The following SUPT3H variants were observed in gnomAD, a reference collection of about 807,000 sequenced individuals.
SUPT3H encodes the protein SPT3 homolog, SAGA and STAGA complex component, also known as transcription initiation protein SPT3 homolog.
SUPT3H carries 44 observed loss-of-function variants against 44.3 expected under a neutral mutation model. The observed-to-expected ratio is 0.99, with a 90% CI of 0.78 to 1.28. SUPT3H has a LOEUF of 1.28. SUPT3H is among the 50% of genes most tolerant of loss of function. The pLI is 0.00. For missense variants in SUPT3H, 380 were observed against 387.1 expected (o/e 0.98, Z 0.15); for synonymous variants, 124 against 125.6 (o/e 0.99, Z 0.09).
chr6:45,023,190 T>G (rs1785423177), intron 3 of SUPT3H, among the ~76,000 whole-genome samples: 1 of 150,188 alleles, frequency 6.7e-6, no homozygotes, highest in South Asian at 2.1e-4. Context: ...CACTGATCAT[T>G]AAGAGAAATG....
At chr6:45,194,234 T>C (rs1815630895) in intron 2 of SUPT3H, among the ~76,000 whole-genome samples, 1 of 152,108 alleles carries the variant, frequency 6.6e-6, no homozygotes, top group Non-Finnish European at 1.5e-5. Context: ...TTATCTTTAT[T>C]AACTATATTT....
intron 6 of SUPT3H, among the ~76,000 whole-genome samples, chr6:44,985,221 TA>T (rs1393313801): frequency 5.6e-5 from 8 of 143,256 alleles, no homozygotes; most frequent in Non-Finnish European, 9.2e-5. Context: ...ATAAATAAAA[TA>T]AAATAAAATA....
At chr6:44,881,384 A>T (rs1169160703) in intron 10 of SUPT3H, among the ~76,000 whole-genome samples, 1 of 152,198 alleles carries the variant, frequency 6.6e-6, no homozygotes, top group African/African-American at 2.4e-5. Flanking sequence ...CCAGATTCAT[A>T]AAGCAAGTTC....
intron 2 of SUPT3H, among the ~76,000 whole-genome samples, chr6:45,217,006 G>A (rs1299773973): frequency 1.3e-5 from 2 of 152,076 alleles, no homozygotes; most frequent in African/African-American, 4.8e-5. Flanking sequence ...GAGATTACAA[G>A]GTAGGACAAC....
chr6:45,096,514 A>C (rs1248498448), intron 3 of SUPT3H, among the ~76,000 whole-genome samples: 2 of 152,228 alleles, frequency 1.3e-5, no homozygotes, highest in African/African-American at 4.8e-5. Context: ...GAAATTACTT[A>C]AAATGAAGCA....
chr6:45,140,109 A>T (rs963408832), intron 2 of SUPT3H, among the ~76,000 whole-genome samples: 1 of 151,966 alleles, frequency 6.6e-6, no homozygotes, highest in Admixed American at 6.6e-5. Context: ...CCCCCACTTC[A>T]CTGGTGAACT....
intron 2 of SUPT3H, chr6:45,322,748 TA>T: frequency 1.5e-6 from 1 of 656,058 alleles, no homozygotes; most frequent in Non-Finnish European, 2.7e-6. Flanking sequence ...CATGTATTCC[TA>T]AAAATAAGCC....
intron 2 of SUPT3H, among the ~76,000 whole-genome samples, chr6:45,126,464 G>C (rs190798998): frequency 5.3e-5 from 8 of 152,334 alleles, no homozygotes; most frequent in Admixed American, 3.3e-4. Flanking sequence ...ACCAGTGCCA[G>C]TGGATATTTT....
chr6:44,970,832 A>G (rs907300928), intron 6 of SUPT3H, among the ~76,000 whole-genome samples: 1 of 152,232 alleles, frequency 6.6e-6, no homozygotes, highest in Non-Finnish European at 1.5e-5. Context: ...AATTTAGTTC[A>G]TACTTTCTCT....
intron 2 of SUPT3H, among the ~76,000 whole-genome samples, chr6:45,348,266 T>C (rs910013432): frequency 9.9e-5 from 15 of 152,060 alleles, no homozygotes; most frequent in African/African-American, 3.6e-4. Context: ...TACCACTGAA[T>C]AGCTGGATGA....
chr6:44,994,116 G>A (rs1054257780), intron 6 of SUPT3H, among the ~76,000 whole-genome samples: 2 of 151,848 alleles, frequency 1.3e-5, no homozygotes, highest in African/African-American at 2.4e-5. Context: ...ATTTATTGAG[G>A]CTGTATTCAC....
intron 1 of SUPT3H, among the ~76,000 whole-genome samples, chr6:45,365,650 G>A (rs956470692): frequency 6.8e-6 from 1 of 147,532 alleles, no homozygotes. Context: ...CATCAGCAAT[G>A]CTTCAGGGCA....
At chr6:44,880,340 C>G (rs1778020264) in intron 10 of SUPT3H, among the ~76,000 whole-genome samples, 1 of 151,784 alleles carries the variant, frequency 6.6e-6, no homozygotes, top group East Asian at 1.9e-4. Flanking sequence ...GATTGAAGAT[C>G]AACTTGAAGA....
chr6:45,015,918 C>A (rs950716423), intron 4 of SUPT3H, among the ~76,000 whole-genome samples: 1 of 151,968 alleles, frequency 6.6e-6, no homozygotes, highest in East Asian at 1.9e-4. Context: ...ATGCATGGAA[C>A]TGTCAGCTCC....
chr6:45,376,040 A>G (rs1024513395), intron 1 of SUPT3H, among the ~76,000 whole-genome samples: 2 of 152,254 alleles, frequency 1.3e-5, no homozygotes, highest in Admixed American at 1.3e-4. Context: ...TTCTCACTGA[A>G]AAACCAACCA....
intron 2 of SUPT3H, among the ~76,000 whole-genome samples, chr6:45,219,593 T>G (rs1372344704): frequency 6.6e-6 from 1 of 152,152 alleles, no homozygotes; most frequent in Non-Finnish European, 1.5e-5. Context: ...GTGAAATGGA[T>G]AATATGAACT....
intron 2 of SUPT3H, among the ~76,000 whole-genome samples, chr6:45,305,468 T>C (rs1045554135): frequency 2.6e-5 from 4 of 152,240 alleles, no homozygotes; most frequent in South Asian, 2.1e-4. Flanking sequence ...TTTGACAAAA[T>C]GTTCCTTCCA....
Position 45,054,938 on chromosome 6 carries a change from G to C in SUPT3H, c.187-34306C>G, listed in dbSNP as rs73737865. ...ACCCATAAGAAAACTTTTAATCACT[G>C]GCTGACCATTAAAACTTGCTGCCCC... is the stretch of plus-strand genomic sequence containing the variant. On this transcript the variant is annotated intron_variant, in intron 3 of 10. Coordinates refer to ENST00000371459, the MANE Select transcript of SUPT3H (RefSeq NM_003599.4). Among the ~76,000 whole-genome samples, 592 of 152,088 alleles carry C rather than the reference G, an allele frequency of 3.9e-3. 7 individuals are homozygous for C. The highest frequency in any genetic ancestry group is 0.014 in the African/African-American group (565 of 41,496).
At chr6:44,995,991 T>G (rs1781217498) in intron 6 of SUPT3H, among the ~76,000 whole-genome samples, 1 of 151,904 alleles carries the variant, frequency 6.6e-6, no homozygotes, top group Non-Finnish European at 1.5e-5. Context: ...TATCATCAGG[T>G]AAACAGGGTT....
Sources: gnomAD v4.1 joint callset for allele counts (sites outside exome capture counted in the v4.1 genomes callset) on GRCh38, gnomAD v4.1.1 for gene constraint, MANE v1.5 for transcripts, NCBI Gene and HGNC (gene_info 2026-07-23, HGNC 2026-07-21) for gene names.